ZMIZ1: variants seen among roughly 807,000 people sequenced by gnomAD.
ZMIZ1 encodes the protein zinc finger MIZ domain-containing protein 1.
A neutral mutation model predicts 113.9 loss-of-function variants in ZMIZ1; 17 were observed. The observed-to-expected ratio is 0.15, with a 90% CI of 0.10 to 0.22. ZMIZ1 has a LOEUF of 0.22. Among genes scored for constraint, ZMIZ1 ranks in the 10% least tolerant of loss-of-function variants. The probability of loss-of-function intolerance (pLI) is 1.00; values close to 1 mark genes in which losing one functional copy is unlikely to be tolerated. For synonymous variants in ZMIZ1, 607 were observed against 603.1 expected (o/e 1.01, Z -0.09); for missense variants, 1,059 against 1,477.8 (o/e 0.72, Z 4.65).
Position 79,296,241 on chromosome 10 carries a change from CT to C in ZMIZ1, c.1231-229del. 1 of 585,610 alleles carries C rather than the reference CT, an allele frequency of 1.7e-6. No homozygotes were observed. Among genetic ancestry groups the C allele is most frequent in the Non-Finnish European group, 3.1e-6 (1 of 326,516 alleles). The allele number at this position is 585,610 out of a possible 1,614,324, so 36.3% of individuals were successfully genotyped here. ...TCCCTGGAGTTCAGGGGCACATGTG[CT>C]CCAGGAAGAACGGCCTCAAGGGGAG... is the stretch of plus-strand genomic sequence containing the variant. On this transcript the variant is annotated intron_variant, in intron 12 of 24. Coordinates refer to ENST00000334512, the MANE Select transcript of ZMIZ1 (RefSeq NM_020338.4). The surrounding 1 kb of genome is among the most constrained non-coding windows in gnomAD (Gnocchi z 4.1).
At chr10:79,122,051 G>C (rs1280634823) in intron 2 of ZMIZ1, among the ~76,000 whole-genome samples, 3 of 152,150 alleles carry the variant, frequency 2.0e-5, no homozygotes, top group Admixed American at 6.5e-5. Flanking sequence ...AGCAGAGTAG[G>C]GTCCTTCTAA....
rs757004699 is a variant in ZMIZ1 at position 79,175,583 on chromosome 10, C to CGTGTGT, written c.-50+13492_-50+13497dup. On this transcript the variant is annotated intron_variant, in intron 4 of 24. Transcript: ENST00000334512. The stretch of plus-strand genomic sequence containing the variant: ...GGACTTCTCTAATCTGTGCACTCTG[C>CGTGTGT]GTGTGTGTGTGTGTGTGTGTGTGTG... 3.1e-3 allele frequency among the ~76,000 whole-genome samples: 383 copies of CGTGTGT among 125,370 alleles called. 3 individuals carry two copies. Among genetic ancestry groups the CGTGTGT allele is most frequent in the Middle Eastern group, 0.016 (4 of 254 alleles). 82.2% of individuals were successfully genotyped at this position (125,370 alleles called of 152,430 possible). A position where few individuals can be genotyped will look rare whatever the true frequency, so the allele number is the denominator to read the frequency against.
chr10:79,115,762 C>T (rs540848635), intron 1 of ZMIZ1, among the ~76,000 whole-genome samples: 69 of 152,340 alleles, frequency 4.5e-4, no homozygotes, highest in Non-Finnish European at 7.2e-4. Context: ...GGCCAAGGCC[C>T]TGGCTTTAGG....
chr10:79,284,527 A>G (rs1186072712), intron 8 of ZMIZ1, among the ~76,000 whole-genome samples: 1 of 152,262 alleles, frequency 6.6e-6, no homozygotes, highest in African/African-American at 2.4e-5. Flanking sequence ...TGTATCCTGA[A>G]GTAAACAGGG....
At chr10:79,266,069 C>T (rs1038433509) in intron 7 of ZMIZ1, among the ~76,000 whole-genome samples, 6 of 152,236 alleles carry the variant, frequency 3.9e-5, no homozygotes, top group African/African-American at 1.2e-4. Flanking sequence ...CCCTGAGAAA[C>T]GTGACCCCAC....
intron 2 of ZMIZ1, among the ~76,000 whole-genome samples, chr10:79,137,466 T>G (rs1845054569): frequency 6.6e-6 from 1 of 152,200 alleles, no homozygotes; most frequent in Non-Finnish European, 1.5e-5. Flanking sequence ...GGACTAGGTG[T>G]GGCAGGCCAG....
intron 5 of ZMIZ1, among the ~76,000 whole-genome samples, chr10:79,203,430 C>T (rs1204114308): frequency 6.6e-6 from 1 of 152,174 alleles, no homozygotes; most frequent in African/African-American, 2.4e-5. Flanking sequence ...AAGACTCCCT[C>T]CTCCCCCACA....
intron 7 of ZMIZ1, among the ~76,000 whole-genome samples, chr10:79,272,046 A>G (rs1003850951): frequency 2.0e-5 from 3 of 152,166 alleles, no homozygotes; most frequent in Non-Finnish European, 4.4e-5. Flanking sequence ...AGGTGGGTGG[A>G]TCACTTGAAG....
intron 3 of ZMIZ1, among the ~76,000 whole-genome samples, chr10:79,148,206 C>T (rs1845571003): frequency 6.6e-6 from 1 of 152,218 alleles, no homozygotes; most frequent in South Asian, 2.1e-4. Flanking sequence ...ACAAAAGATA[C>T]ATCCCTCACC....
At chr10:79,268,931 A>AG (rs1851766886) in intron 7 of ZMIZ1, among the ~76,000 whole-genome samples, 2 of 152,200 alleles carry the variant, frequency 1.3e-5, no homozygotes, top group Non-Finnish European at 2.9e-5. Flanking sequence ...GGATTGGAGC[A>AG]GGCAAGGAGC....
chr10:79,266,779 C>T (rs1241370968), intron 7 of ZMIZ1, among the ~76,000 whole-genome samples: 1 of 152,218 alleles, frequency 6.6e-6, no homozygotes, highest in East Asian at 1.9e-4. Context: ...ATTTCTGGGG[C>T]ACCCAGCAGT....
At chr10:79,172,417 T>G (rs947853014) in intron 4 of ZMIZ1, among the ~76,000 whole-genome samples, 2 of 152,124 alleles carry the variant, frequency 1.3e-5, no homozygotes, top group Non-Finnish European at 2.9e-5. Context: ...TACAAAGCCC[T>G]TAGATGGTCA....
intron 1 of ZMIZ1, among the ~76,000 whole-genome samples, chr10:79,083,067 G>A (rs1036662132): frequency 6.6e-6 from 1 of 152,226 alleles, no homozygotes; most frequent in Non-Finnish European, 1.5e-5. Context: ...AATTTGACAG[G>A]GGCCCTGCTT....
rs1844375317 is a variant in ZMIZ1, at chr10:79,123,263, GT to G, written c.-227+4240del. ...TGGAGGATGCTGGCAGATTGCGGCT[GT>G]GGACCGGGCTGAGGCATGGAGGTTT... On this transcript the variant is annotated intron_variant, in intron 2 of 24. Coordinates refer to ENST00000334512, the MANE Select transcript of ZMIZ1 (RefSeq NM_020338.4). Among the ~76,000 whole-genome samples, 4 of 152,354 alleles carry G rather than the reference GT, an allele frequency of 2.6e-5. No individual in the cohort carries two copies. The South Asian group carries it at 8.3e-4, about 32-fold the overall frequency.
intron 1 of ZMIZ1, among the ~76,000 whole-genome samples, chr10:79,090,630 C>G (rs1406683105): frequency 6.6e-6 from 1 of 152,188 alleles, no homozygotes. Context: ...TTGAGAGTTG[C>G]AGATAGTGGC....
chr10:79,310,347 C>G (rs1365655772), intron 23 of ZMIZ1, among the ~76,000 whole-genome samples: 1 of 152,220 alleles, frequency 6.6e-6, no homozygotes, highest in Non-Finnish European at 1.5e-5. Flanking sequence ...GGGCTTGTGC[C>G]AAGGCCCCAG....
At chr10:79,156,718 G>A (rs1194656420) in intron 3 of ZMIZ1, among the ~76,000 whole-genome samples, 2 of 152,186 alleles carry the variant, frequency 1.3e-5, no homozygotes, top group Non-Finnish European at 2.9e-5. Flanking sequence ...CGTACCTCGG[G>A]ACTCTTGGGC....
chr10:79,146,014 T>C (rs1845466970), intron 3 of ZMIZ1, among the ~76,000 whole-genome samples: 2 of 152,328 alleles, frequency 1.3e-5, no homozygotes, highest in South Asian at 4.1e-4. Flanking sequence ...AGCCCAGGAA[T>C]TAGCTTTTAT....
At chr10:79,305,867 C>A (rs184522126) in intron 21 of ZMIZ1, among the ~76,000 whole-genome samples, 50 of 152,218 alleles carry the variant, frequency 3.3e-4, no homozygotes, top group Non-Finnish European at 1.3e-4. Flanking sequence ...CACGAGGGAG[C>A]CCTTGAGGCC....
Sources: allele counts gnomAD v4.1 joint callset (sites outside exome capture counted in the v4.1 genomes callset), GRCh38; gene constraint gnomAD v4.1.1; non-coding constraint Gnocchi (gnomAD v3.1); transcripts MANE v1.5; gene names NCBI Gene and HGNC (gene_info 2026-07-23, HGNC 2026-07-21).